The following FMNL2 variants were observed in gnomAD, a reference collection of about 807,000 sequenced individuals.
FMNL2 encodes the protein formin-like protein 2.
In FMNL2, 51 loss-of-function variants were observed where a neutral mutation model predicts 130.2. The ratio of observed to expected loss-of-function variants is 0.39; its 90% CI spans 0.31 to 0.49. The LOEUF is 0.49. Among genes scored for constraint, FMNL2 ranks in the 20% least tolerant of loss-of-function variants. FMNL2 has a pLI of 0.85. For synonymous variants in FMNL2, 465 were observed against 467.1 expected (o/e 1.00, Z 0.06); for missense variants, 977 against 1,316.2 (o/e 0.74, Z 3.99).
intron 18 of FMNL2, among the ~76,000 whole-genome samples, chr2:152,629,181 G>A (rs1682000001): frequency 6.6e-6 from 1 of 152,050 alleles, no homozygotes; most frequent in Admixed American, 6.5e-5. Flanking sequence ...AAATTTGTTG[G>A]TTTCTGCTTA....
chr2:152,605,694 G>A (rs1009503551), intron 9 of FMNL2, among the ~76,000 whole-genome samples: 3 of 152,074 alleles, frequency 2.0e-5, no homozygotes, highest in Non-Finnish European at 2.9e-5. Context: ...ATTATTTTTT[G>A]TTAAGTCAGG....
chr2:152,560,727 G>A (rs1016471281), intron 5 of FMNL2, among the ~76,000 whole-genome samples, 156 bp from the exon 6 acceptor site: 1 of 152,180 alleles, frequency 6.6e-6, no homozygotes, highest in African/African-American at 2.4e-5. Flanking sequence ...TGAGCCCATA[G>A]AAATTCCATT....
At chr2:152,397,798 C>G (rs1264926819) in intron 1 of FMNL2, among the ~76,000 whole-genome samples, 1 of 152,110 alleles carries the variant, frequency 6.6e-6, no homozygotes, top group Non-Finnish European at 1.5e-5. Context: ...TCATTCTTCT[C>G]TGTGAGCCAG....
At chr2:152,639,377 C>T (rs959568374) in intron 23 of FMNL2, among the ~76,000 whole-genome samples, 4 of 152,144 alleles carry the variant, frequency 2.6e-5, no homozygotes, top group African/African-American at 4.8e-5. Flanking sequence ...GAGGTCTCTT[C>T]GGGGAGGCCG....
chr2:152,571,521 A>G (rs928742991), intron 6 of FMNL2, among the ~76,000 whole-genome samples: 9 of 152,210 alleles, frequency 5.9e-5, no homozygotes, highest in African/African-American at 2.2e-4. Context: ...AGAAAATATT[A>G]TAGTAACCGT....
At chr2:152,394,941 A>C (rs1317526785) in intron 1 of FMNL2, among the ~76,000 whole-genome samples, 1 of 152,168 alleles carries the variant, frequency 6.6e-6, no homozygotes, top group African/African-American at 2.4e-5. Context: ...CTTGCTCCTG[A>C]GACTGAAAAA....
At chr2:152,439,493 A>G (rs558976098) in intron 1 of FMNL2, among the ~76,000 whole-genome samples, 2 of 152,228 alleles carry the variant, frequency 1.3e-5, no homozygotes, top group South Asian at 4.1e-4. Context: ...TAAAAAGACA[A>G]TTTTTACCTA....
chr2:152,379,151 C>T (rs953355203), intron 1 of FMNL2, among the ~76,000 whole-genome samples: 14 of 152,196 alleles, frequency 9.2e-5, no homozygotes, highest in South Asian at 4.1e-4. Context: ...GTTTAGAGAC[C>T]GCTAATGATA....
chr2:152,417,785 A>G (rs188201982), intron 1 of FMNL2, among the ~76,000 whole-genome samples: 37 of 152,122 alleles, frequency 2.4e-4, no homozygotes, highest in Admixed American at 2.4e-3. Flanking sequence ...TGCCCTGCCT[A>G]TTTATTTGTG....
At position 152,591,024 on chromosome 2, in the gene FMNL2, T is replaced by TTG. The variant is rs1558989613; in HGVS notation, c.876+9975_876+9976insTG. ...TTTTTTTTTTTTTTTTTTTTTTTTTTGAGACAGCATCTCACTCTGTCACCA... is the reference window on the plus strand; with the variant it reads ...TTTTTTTTTTTTTTTTTTTTTTTTTTTGGAGACAGCATCTCACTCTGTCACCA... On this transcript the variant is annotated intron_variant, in intron 9 of 25. Transcript: ENST00000288670. 1.7e-4 allele frequency among the ~76,000 whole-genome samples: 16 copies of TTG among 94,954 alleles called. 1 individual carries two copies. The highest frequency in any genetic ancestry group is 2.4e-4 in the Admixed American group (2 of 8,372). The allele number at this position is 94,954 out of a possible 152,430, so 62.3% of individuals were successfully genotyped here.
intron 13 of FMNL2, among the ~76,000 whole-genome samples, chr2:152,617,694 A>T (rs1699030092): frequency 6.6e-6 from 1 of 152,194 alleles, no homozygotes; most frequent in East Asian, 1.9e-4. Context: ...AATCCATTTT[A>T]TTATCAGCTA....
intron 1 of FMNL2, among the ~76,000 whole-genome samples, chr2:152,410,847 C>T (rs971402469): frequency 6.6e-6 from 1 of 152,166 alleles, no homozygotes; most frequent in Non-Finnish European, 1.5e-5. Flanking sequence ...ATGTTGTGAG[C>T]AGAGTGGCCT....
At chr2:152,502,642 G>A (rs536689711) in intron 1 of FMNL2, among the ~76,000 whole-genome samples, 10 of 152,274 alleles carry the variant, frequency 6.6e-5, no homozygotes, top group Non-Finnish European at 1.2e-4. Flanking sequence ...AGTCAAGGTC[G>A]TGCCACTGCA....
chr2:152,336,742 A>T (rs976801705), intron 1 of FMNL2, among the ~76,000 whole-genome samples: 3 of 152,142 alleles, frequency 2.0e-5, no homozygotes, highest in South Asian at 2.1e-4. Context: ...GGACACACAC[A>T]GGCGAGATTG....
At chr2:152,356,404 G>A (rs578009231) in intron 1 of FMNL2, among the ~76,000 whole-genome samples, 11 of 152,318 alleles carry the variant, frequency 7.2e-5, no homozygotes, top group African/African-American at 2.6e-4. Flanking sequence ...GATTACAGGC[G>A]TGAGCCACCA....
chr2:152,590,707 A>G (rs961136949), intron 9 of FMNL2, among the ~76,000 whole-genome samples: 8 of 152,040 alleles, frequency 5.3e-5, no homozygotes, highest in African/African-American at 1.9e-4. Context: ...GATAAATCAT[A>G]TATAAATAAT....
chr2:152,638,124 C>G (rs1346443613), intron 23 of FMNL2, among the ~76,000 whole-genome samples: 1 of 152,204 alleles, frequency 6.6e-6, no homozygotes. Flanking sequence ...ACCAGCATTT[C>G]TCTAGTATGG....
At chr2:152,558,374 C>T (rs1459412749) in intron 4 of FMNL2, among the ~76,000 whole-genome samples, 4 of 152,152 alleles carry the variant, frequency 2.6e-5, no homozygotes. Context: ...GCCTCATTGT[C>T]CATAGTCTTG....
In FMNL2 at chr2:152,354,045, G is replaced by A. The variant is rs527797463; in HGVS notation, c.117+18325G>A. Among the ~76,000 whole-genome samples the A allele has an allele frequency of 1.4e-4, 22 of 152,222 alleles. No individual in the cohort carries two copies. The East Asian group carries it at 4.2e-3, about 29-fold the overall frequency. On this transcript the variant is annotated intron_variant, in intron 1 of 25. Coordinates refer to ENST00000288670, the MANE Select transcript of FMNL2 (RefSeq NM_052905.4). Reference sequence around the variant, plus strand: ...ATGCAGCCCCACTTGGATTTATGTTGACTCTTGTATATTTTGTTCTTTCTA... The same window carrying A: ...ATGCAGCCCCACTTGGATTTATGTTAACTCTTGTATATTTTGTTCTTTCTA...
Sources: gnomAD v4.1 joint callset for allele counts (sites outside exome capture counted in the v4.1 genomes callset) on GRCh38, gnomAD v4.1.1 for gene constraint, MANE v1.5 for transcripts, NCBI Gene and HGNC (gene_info 2026-07-23, HGNC 2026-07-21) for gene names.